Variants in HOXA3 observed in about 807,000 individuals in gnomAD.
The protein encoded by HOXA3 is homeobox protein Hox-A3.
HOXA3 carries 8 observed loss-of-function variants against 30.3 expected under a neutral mutation model. The ratio of observed to expected loss-of-function variants is 0.26; its 90% CI spans 0.15 to 0.48. The LOEUF (loss-of-function observed/expected upper bound fraction) is 0.48, where lower values mean the gene tolerates loss of function less well. Among genes scored for constraint, HOXA3 ranks in the 20% least tolerant of loss-of-function variants. The probability of loss-of-function intolerance (pLI) is 0.99; values close to 1 mark genes in which losing one functional copy is unlikely to be tolerated. For synonymous variants in HOXA3, 323 were observed against 273.1 expected (o/e 1.18, Z -1.80); for missense variants, 653 against 614.4 (o/e 1.06, Z -0.66).
At chr7:27,141,728 C>G (rs913189013) in intron 1 of HOXA3, 4 of 1,401,358 alleles carry the variant, frequency 2.9e-6, no homozygotes, top group African/African-American at 1.4e-5. Flanking sequence ...GCAACGAGAA[C>G]AGGGCTTCTT....
intron 1 of HOXA3, chr7:27,141,526 G>GTT (rs5883063): frequency 0.014 from 3,074 of 213,212 alleles, 1 homozygote; most frequent in South Asian, 0.028. Flanking sequence ...CTTTTTGTGT[G>GTT]TTTTTTTTTC....
At chr7:27,129,827 G>T (rs1785443876) in intron 2 of HOXA3, 1 of 607,790 alleles carries the variant, frequency 1.6e-6, no homozygotes, top group Non-Finnish European at 2.9e-6. Context: ...AAGACACATG[G>T]CCTGAAGCCT....
At chr7:27,121,741 T>A (rs551463246) in intron 4 of HOXA3, among the ~76,000 whole-genome samples, 49 of 152,302 alleles carry the variant, frequency 3.2e-4, no homozygotes, top group African/African-American at 1.1e-3. Context: ...AACTCATTCC[T>A]TCATACCATG....
In HOXA3 at chr7:27,107,740, T is replaced by C. The variant is rs1302745845; in HGVS notation, c.*175A>G. On this transcript the variant is annotated 3_prime_UTR_variant, in exon 6 of 6. Coordinates refer to ENST00000612286, the MANE Select transcript of HOXA3 (RefSeq NM_153631.3). ...CAAGATTGCTACGTCACATAAACTA[T>C]AAAAACGCCTTACCAACGAGGGGGG... 2.1e-6 allele frequency: 1 copy of C among 484,986 alleles called. No homozygotes were observed. Among genetic ancestry groups the C allele is most frequent in the Non-Finnish European group, 3.5e-6 (1 of 286,328 alleles). The allele number at this position is 484,986 out of a possible 1,614,324, so 30.0% of individuals were successfully genotyped here.
chr7:27,129,205 T>C (rs1320755408), intron 2 of HOXA3: 3 of 1,352,276 alleles, frequency 2.2e-6, no homozygotes, highest in Admixed American at 1.7e-5. Context: ...GGATAGAAAC[T>C]GGTTAAGATC....
At chr7:27,116,221 A>G (rs755000131) in intron 4 of HOXA3, 1 of 152,704 alleles carries the variant, frequency 6.5e-6, no homozygotes, top group Non-Finnish European at 1.5e-5. Flanking sequence ...TTTTCTCAGC[A>G]CTAGAAGAAT....
Position 27,152,427 on chromosome 7 carries a change from G to T in HOXA3, c.-633C>A, listed in dbSNP as rs1314473014. On this transcript the variant is annotated 5_prime_UTR_variant, in exon 1 of 6. Transcript: ENST00000612286. Reference sequence around the variant, plus strand: ...TGCGAGTTGCAAAGCTGCTGCCGCGGCGCCGGGAACGGAGCGCGCCCAATC... The same window carrying T: ...TGCGAGTTGCAAAGCTGCTGCCGCGTCGCCGGGAACGGAGCGCGCCCAATC... The T allele has an allele frequency of 1.7e-6, 2 of 1,153,314 alleles. No homozygotes were observed. The highest frequency in any genetic ancestry group is 4.2e-5 in the Admixed American group (1 of 23,870). 71.4% of individuals were successfully genotyped at this position (1,153,314 alleles called of 1,614,324 possible).
chr7:27,110,404 A>G lies in HOXA3; in HGVS notation c.237T>C (p.Pro79=). 6.5e-7 allele frequency: 1 copy of G among 1,536,036 alleles called. No individual in the cohort carries two copies. Among genetic ancestry groups the G allele is most frequent in the African/African-American group, 1.4e-5 (1 of 73,524 alleles). Reference sequence around the variant, plus strand: ...GCTCTCCCAGGCTTGGAGGCTGGCTAGGTGGGGCGCTCAGGGTGCGCAGGC... The same window carrying G: ...GCTCTCCCAGGCTTGGAGGCTGGCTGGGTGGGGCGCTCAGGGTGCGCAGGC... ...EACLRTLSAP[P]SQPPSLGEPP... The change falls in exon 5 of 6, where the codon CCT becomes CCC. Residue 79 remains proline, a synonymous_variant. Coordinates refer to ENST00000612286, the MANE Select transcript of HOXA3 (RefSeq NM_153631.3).
intron 2 of HOXA3, among the ~76,000 whole-genome samples, chr7:27,133,559 G>A (rs375393186): frequency 6.6e-6 from 1 of 152,182 alleles, no homozygotes; most frequent in African/African-American, 2.4e-5. Context: ...CACGTGCAGG[G>A]ATAACATATA....
intron 1 of HOXA3, chr7:27,143,658 C>T (rs1253194791): frequency 1.3e-6 from 2 of 1,542,106 alleles, no homozygotes; most frequent in Non-Finnish European, 1.7e-6. Flanking sequence ...GTTTGTGCGT[C>T]TATAGCACCC....
chr7:27,110,536 C>A lies in HOXA3; in HGVS notation c.105G>T (p.Ala35=), dbSNP rs780149829. 1.2e-6 allele frequency: 2 copies of A among 1,606,944 alleles called. No homozygotes were observed. Among genetic ancestry groups the A allele is most frequent in the Admixed American group, 1.7e-5 (1 of 59,866 alleles). Residue 35 remains alanine (A), a synonymous_variant, in exon 5 of 6, where the codon GCG becomes GCT. Coordinates refer to ENST00000612286, the MANE Select transcript of HOXA3 (RefSeq NM_153631.3). ...CGCCGTCGGCGCCCAAAGCGGCGGA[C>A]GCCGGGTACGGCTGCTGATTGGCAT... ...AYNANQQPYP[A]SAALGADGEY...
chr7:27,108,207 T>C lies in HOXA3; in HGVS notation c.1040A>G (p.His347Arg), dbSNP rs757849445. Reference protein sequence around the residue: ...GGTPDYDPHAHGLQGNGSYGT... With the variant: ...GGTPDYDPHARGLQGNGSYGT... ...ATAGCTGCCGTTGCCCTGCAGGCCA[T>C]GAGCGTGCGGGTCATAGTCGGGGGT... is the stretch of plus-strand genomic sequence containing the variant. The change falls in exon 6 of 6, where the codon CAT (histidine) becomes CGT (arginine). Residue 347 changes from histidine to arginine, a missense_variant. Around this residue, in one of 3 missense-constraint regions of HOXA3, gnomAD observed 330 missense variants for 274.4 expected, o/e 1.20. Coordinates refer to ENST00000612286, the MANE Select transcript of HOXA3 (RefSeq NM_153631.3). This position sits in a 1 kb window ranked among gnomAD's most constrained non-coding sequence, Gnocchi z 5.0. The C allele has an allele frequency of 6.5e-7, 1 of 1,538,486 alleles. No homozygotes were observed. The highest frequency in any genetic ancestry group is 1.2e-5 in the South Asian group (1 of 80,474).
At chr7:27,123,951 GCATGACCATGAGCAAGGTGGACTCAGC>G (rs1785162715) in intron 3 of HOXA3, 1 of 152,240 alleles carries the variant, frequency 6.6e-6, no homozygotes, top group African/African-American at 2.4e-5. Context: ...GGGGCTCCTG[GCATGACCATGAGCAAGGTGGACTCAGC>G]CATCCTGCAC....
chr7:27,110,623 G>A lies in HOXA3; in HGVS notation c.18C>T (p.Tyr6=). The A allele has an allele frequency of 6.2e-7, 1 of 1,604,404 alleles. No individual in the cohort carries two copies. The highest frequency in any genetic ancestry group is 1.1e-5 in the South Asian group (1 of 90,946). Residue 6 remains tyrosine (Y), a synonymous_variant, in exon 5 of 6, where the codon TAC becomes TAT. Coordinates refer to ENST00000612286, the MANE Select transcript of HOXA3 (RefSeq NM_153631.3). The part of the protein sequence containing the change: MQKAT[Y]YDSSAIYGGY... Reference sequence around the variant, plus strand: ...CACCGTAGATCGCCGAGCTGTCGTAGTAGGTCGCTTTTTGCATCGCGTTGT... The same window carrying A: ...CACCGTAGATCGCCGAGCTGTCGTAATAGGTCGCTTTTTGCATCGCGTTGT...
intron 2 of HOXA3, among the ~76,000 whole-genome samples, chr7:27,133,827 C>A (rs1562724604): frequency 6.6e-6 from 1 of 152,182 alleles, no homozygotes; most frequent in Non-Finnish European, 1.5e-5. Flanking sequence ...TCTTATTAAT[C>A]TTACACATTG....
At chr7:27,127,243 C>A (rs560209649) in intron 2 of HOXA3, among the ~76,000 whole-genome samples, 173 bp from the exon 3 acceptor site, 1 of 152,316 alleles carries the variant, frequency 6.6e-6, no homozygotes, top group South Asian at 2.1e-4. Flanking sequence ...CCGTTCACAC[C>A]TTATAAAATG....
At chr7:27,132,702 C>T (rs6973182) in intron 2 of HOXA3, among the ~76,000 whole-genome samples, 22,178 of 152,124 alleles carry the variant, frequency 0.15, 2,024 homozygotes, top group African/African-American at 0.24. Context: ...GAATGTGATA[C>T]ATCTACCTGA....
chr7:27,145,589 G>A, intron 1 of HOXA3: 1 of 1,546,898 alleles, frequency 6.5e-7, no homozygotes, highest in Non-Finnish European at 8.7e-7. Flanking sequence ...GAAAAGTTGG[G>A]GAACAGGCGA....
At chr7:27,121,237 G>GTT (rs917367363) in intron 4 of HOXA3, 1 of 151,476 alleles carries the variant, frequency 6.6e-6, no homozygotes, top group African/African-American at 2.4e-5. Context: ...GTGTGTGTGT[G>GTT]TGTGTGTGTG....
Sources: gnomAD v4.1 joint callset for allele counts (sites outside exome capture counted in the v4.1 genomes callset) on GRCh38, gnomAD v4.1.1 for gene constraint, gnomAD v4.1.1 regional missense constraint, Gnocchi (gnomAD v3.1) non-coding constraint, MANE v1.5 for transcripts, NCBI Gene and HGNC (gene_info 2026-07-23, HGNC 2026-07-21) for gene names.